CNTN3: variants seen among roughly 807,000 people sequenced by gnomAD.
The protein encoded by CNTN3 is contactin-3.
In CNTN3, 60 loss-of-function variants were observed where a neutral mutation model predicts 119.1. The observed-to-expected ratio is 0.50, with a 90% CI of 0.41 to 0.62. The LOEUF (loss-of-function observed/expected upper bound fraction) is 0.62. Ranked by LOEUF, CNTN3 falls within the 20% of genes least tolerant of loss-of-function variation. The pLI is 0.00. For synonymous variants in CNTN3, 450 were observed against 438.7 expected, an observed-to-expected ratio of 1.03 and a Z score of -0.32; for missense variants, 1,101 against 1,242.4, an observed-to-expected ratio of 0.89 and a Z score of 1.71.
chr3:74,583,712 A>G (rs925213543), intron 1 of CNTN3, among the ~76,000 whole-genome samples: 3 of 152,238 alleles, frequency 2.0e-5, no homozygotes, highest in African/African-American at 7.2e-5. Flanking sequence ...TTTGTGCATT[A>G]GGTTGTGTAT....
intron 1 of CNTN3, among the ~76,000 whole-genome samples, chr3:74,606,624 A>G (rs1160943868): frequency 6.6e-6 from 1 of 152,118 alleles, no homozygotes; most frequent in African/African-American, 2.4e-5. Flanking sequence ...ATGACAAAAA[A>G]TGATATTTTC....
intron 4 of CNTN3, among the ~76,000 whole-genome samples, chr3:74,449,837 CTT>C (rs1303536106): frequency 6.6e-6 from 1 of 152,086 alleles, no homozygotes; most frequent in Non-Finnish European, 1.5e-5. Flanking sequence ...TACACAGAAA[CTT>C]TGCATTCACA....
chr3:74,325,990 C>CT (rs1462879484), intron 13 of CNTN3, among the ~76,000 whole-genome samples: 2 of 152,142 alleles, frequency 1.3e-5, no homozygotes, highest in Non-Finnish European at 2.9e-5. Flanking sequence ...ACTCTAAGCA[C>CT]TCTCAGAATT....
intron 5 of CNTN3, among the ~76,000 whole-genome samples, chr3:74,420,778 G>A (rs1023555885): frequency 6.6e-6 from 1 of 152,188 alleles, no homozygotes; most frequent in Non-Finnish European, 1.5e-5. Context: ...GAGCATCCAG[G>A]TTCTAGTTTT....
At chr3:74,366,780 G>GTATATATATATATATATGTATA (rs1704202963) in intron 8 of CNTN3, among the ~76,000 whole-genome samples, 2 of 63,714 alleles carry the variant, frequency 3.1e-5, no homozygotes, top group Non-Finnish European at 5.3e-5. Context: ...GTGTGTGTGT[G>GTATATATATATATATATGTATA]TATATATATA....
At chr3:74,596,453 TAACCAAAACAGCATGGTACTGG>T (rs1380115812) in intron 1 of CNTN3, among the ~76,000 whole-genome samples, 2 of 152,104 alleles carry the variant, frequency 1.3e-5, no homozygotes, top group African/African-American at 4.8e-5. Context: ...AAGGCTACAG[TAACCAAAACAGCATGGTACTGG>T]TACCAAAACA....
chr3:74,553,846 A>T (rs1231229910), intron 1 of CNTN3, among the ~76,000 whole-genome samples: 1 of 151,748 alleles, frequency 6.6e-6, no homozygotes, highest in African/African-American at 2.4e-5. Flanking sequence ...GATTGCAAAA[A>T]TTTTCTCCCA....
intron 5 of CNTN3, among the ~76,000 whole-genome samples, chr3:74,415,952 C>T (rs1024250100): frequency 6.6e-6 from 1 of 152,148 alleles, no homozygotes; most frequent in Non-Finnish European, 1.5e-5. Flanking sequence ...CTGGGCCAAT[C>T]GGTTGAAGTC....
In CNTN3 at chr3:74,301,734, C is replaced by G; in HGVS notation, c.1858G>C (p.Glu620Gln). Residue 620 changes from glutamate (E) to glutamine (Q), a missense_variant, in exon 15 of 23, where the codon GAA (glutamate) becomes CAA (glutamine). Glu to Gln is a conservative substitution (Grantham distance 29). Coordinates refer to ENST00000263665, the MANE Select transcript of CNTN3 (RefSeq NM_020872.3). ...ACTGGGCTATGGTTGTCTTTACCTT[C>G]TTTCCAAGAGAGTTGGGCTGTTGTG... is the stretch of plus-strand genomic sequence containing the variant. ...TDTTAQLSWK[E>Q]GKDNHSPVIS... 6.2e-7 allele frequency: 1 copy of G among 1,614,100 alleles called. No homozygotes were observed. The highest frequency in any genetic ancestry group is 8.5e-7 in the Non-Finnish European group (1 of 1,179,974).
At position 74,385,740 on chromosome 3, in the gene CNTN3, T is replaced by C. The variant is rs554919907; in HGVS notation, c.455-14341A>G. Among the ~76,000 whole-genome samples the C allele has an allele frequency of 2.6e-5, 4 of 152,328 alleles. No homozygotes were observed. The South Asian group carries it at 6.2e-4, about 24-fold the overall frequency. On this transcript the variant is annotated intron_variant, in intron 5 of 22. Transcript: ENST00000263665. Reference sequence around the variant, plus strand: ...AGGATTAGGTAATCCATATGCATGCTGTGGTTGATGGAGAGACTGAACTAA... The same window carrying C: ...AGGATTAGGTAATCCATATGCATGCCGTGGTTGATGGAGAGACTGAACTAA...
chr3:74,510,707 A>C (rs1457128126), intron 2 of CNTN3, among the ~76,000 whole-genome samples: 1 of 152,142 alleles, frequency 6.6e-6, no homozygotes, highest in Non-Finnish European at 1.5e-5. Context: ...CAAAGGCCTT[A>C]CTATTCCTAC....
At chr3:74,540,954 C>A (rs1054881829) in intron 1 of CNTN3, among the ~76,000 whole-genome samples, 1 of 152,006 alleles carries the variant, frequency 6.6e-6, no homozygotes, top group Non-Finnish European at 1.5e-5. Flanking sequence ...AAATTTATTG[C>A]TTTAATTTAG....
chr3:74,412,528 C>T (rs1461968062), intron 5 of CNTN3, among the ~76,000 whole-genome samples: 1 of 152,110 alleles, frequency 6.6e-6, no homozygotes, highest in Non-Finnish European at 1.5e-5. Flanking sequence ...CTTTATAAAC[C>T]ATCCCCTTGA....
At chr3:74,486,662 T>A in intron 3 of CNTN3, 31 bp from the exon 4 acceptor site, 2 of 1,475,538 alleles carry the variant, frequency 1.4e-6, no homozygotes, top group Non-Finnish European at 1.8e-6. Flanking sequence ...TTCCCCCCCC[T>A]TAGTATTTTT....
chr3:74,583,421 A>G (rs117660055), intron 1 of CNTN3, among the ~76,000 whole-genome samples: 1 of 152,222 alleles, frequency 6.6e-6, no homozygotes, highest in African/African-American at 2.4e-5. Flanking sequence ...CAACACCTAG[A>G]TAAACCTGAA....
In CNTN3 at chr3:74,365,655, C is replaced by T; in HGVS notation, c.994G>A (p.Glu332Lys). 6.2e-7 allele frequency: 1 copy of T among 1,613,458 alleles called. No homozygotes were observed. Among genetic ancestry groups the T allele is most frequent in the Non-Finnish European group, 8.5e-7 (1 of 1,179,546 alleles). Residue 332 changes from glutamate (E) to lysine (K), a missense_variant, in exon 9 of 23, where the codon GAG becomes AAG. Physicochemically the swap from Glu to Lys is moderately conservative, Grantham distance 56. Coordinates refer to ENST00000263665, the MANE Select transcript of CNTN3 (RefSeq NM_020872.3). ...QLIKDVEIAV[E>K]DSLYWECRAS... The stretch of plus-strand genomic sequence containing the variant: ...CTGCATTCCCAATAAAGACTGTCCT[C>T]CACGGCTATTTCCACATCCTTTATG...
intron 5 of CNTN3, among the ~76,000 whole-genome samples, chr3:74,375,831 C>T (rs1222679507): frequency 2.0e-5 from 3 of 152,158 alleles, no homozygotes; most frequent in Non-Finnish European, 4.4e-5. Flanking sequence ...GGACTTTGGA[C>T]CTCCAGAACT....
In CNTN3 at chr3:74,372,420, T is replaced by C. The variant is rs562359851; in HGVS notation, c.455-1021A>G. 1.9e-4 allele frequency among the ~76,000 whole-genome samples: 29 copies of C among 152,178 alleles called. 1 individual carries two copies. Among genetic ancestry groups the C allele is most frequent in the South Asian group, 1.9e-3 (9 of 4,830 alleles). ...TTTTATGATAATGAGGGCTAGATAA[T>C]AATATGCCACTTTGTTCTGGAGGCC... On this transcript the variant is annotated intron_variant, in intron 5 of 22. Coordinates refer to ENST00000263665, the MANE Select transcript of CNTN3 (RefSeq NM_020872.3).
chr3:74,594,460 C>T (rs562438830), intron 1 of CNTN3, among the ~76,000 whole-genome samples: 8 of 151,052 alleles, frequency 5.3e-5, no homozygotes, highest in Non-Finnish European at 1.2e-4. Context: ...CACCCCACAA[C>T]ACTCCCCAGA....
Sources: gnomAD v4.1 joint callset for allele counts (sites outside exome capture counted in the v4.1 genomes callset) on GRCh38, gnomAD v4.1.1 for gene constraint, MANE v1.5 for transcripts, NCBI Gene and HGNC (gene_info 2026-07-23, HGNC 2026-07-21) for gene names.